The following DLST variants were observed in gnomAD, a reference collection of about 807,000 sequenced individuals.
The protein encoded by DLST is dihydrolipoamide S-succinyltransferase, also known as dihydrolipoyllysine-residue succinyltransferase component of 2-oxoglutarate dehydrogenase complex, mitochondrial.
A neutral mutation model predicts 53.1 loss-of-function variants in DLST; 17 were observed. The observed-to-expected ratio is 0.32, with a 90% CI of 0.22 to 0.48. DLST has a LOEUF of 0.48. Among genes scored for constraint, DLST ranks in the 20% least tolerant of loss-of-function variants. DLST has a pLI of 0.99. For synonymous variants in DLST, 206 were observed against 204.8 expected (o/e 1.01, Z -0.05); for missense variants, 512 against 583.9 (o/e 0.88, Z 1.27).
At chr14:74,883,010 C>G (rs781333424) in intron 2 of DLST, among the ~76,000 whole-genome samples, 1 of 152,186 alleles carries the variant, frequency 6.6e-6, no homozygotes, top group Non-Finnish European at 1.5e-5. Flanking sequence ...AAGTTATGGC[C>G]ATGGCCGGGC....
In DLST at chr14:74,901,081, C is replaced by CG; in HGVS notation, c.1075_1076insG (p.Leu359ArgfsTer4). On this transcript the variant is annotated frameshift_variant, in exon 14 of 15. Coordinates refer to ENST00000334220, the MANE Select transcript of DLST (RefSeq NM_001933.5). LOFTEE classifies it high-confidence loss of function. ...CTGTTTTTAGGCCCGAAAGAATGAA[C>CG]TTGCCATTGAAGATATGGATGGCGG... is the stretch of plus-strand genomic sequence containing the variant. 1 of 1,613,444 alleles carries CG rather than the reference C, an allele frequency of 6.2e-7. No individual in the cohort carries two copies. Among genetic ancestry groups the CG allele is most frequent in the Non-Finnish European group, 8.5e-7 (1 of 1,179,828 alleles).
chr14:74,884,486 A>G (rs1364975811), intron 2 of DLST, among the ~76,000 whole-genome samples: 1 of 152,182 alleles, frequency 6.6e-6, no homozygotes, highest in African/African-American at 2.4e-5. Context: ...CAAAAGTCCT[A>G]CTTATATGAA....
intron 10 of DLST, among the ~76,000 whole-genome samples, chr14:74,896,443 A>G (rs1235909929): frequency 6.6e-6 from 1 of 152,162 alleles, no homozygotes; most frequent in Admixed American, 6.5e-5. Flanking sequence ...TTTTGTCCTG[A>G]GGGTTTAGTC....
intron 6 of DLST, 71 bp downstream of exon 6, chr14:74,890,023 A>G: frequency 7.4e-7 from 1 of 1,353,866 alleles, no homozygotes; most frequent in Admixed American, 1.9e-5. Context: ...AGAAACAGGG[A>G]CTTAACCATT....
chr14:74,888,274 GTTT>G (rs55729619), intron 3 of DLST, among the ~76,000 whole-genome samples: 9 of 131,732 alleles, frequency 6.8e-5, no homozygotes, highest in East Asian at 2.2e-4. Context: ...TTGTTTTTGG[GTTT>G]TTTTTTTTTT....
At chr14:74,888,773 T>C (rs936713067) in intron 3 of DLST, among the ~76,000 whole-genome samples, 2 of 152,122 alleles carry the variant, frequency 1.3e-5, no homozygotes, top group African/African-American at 4.8e-5. Context: ...AAGGTGCTTA[T>C]TTTTTTATTG....
At chr14:74,888,063 C>T (rs542881409) in intron 3 of DLST, among the ~76,000 whole-genome samples, 4 of 152,172 alleles carry the variant, frequency 2.6e-5, no homozygotes, top group Non-Finnish European at 5.9e-5. Context: ...TCTCTCACCC[C>T]TCAGAGGTAA....
At chr14:74,901,844 ATTT>A (rs11325303) in intron 14 of DLST, among the ~76,000 whole-genome samples, 4 of 147,274 alleles carry the variant, frequency 2.7e-5, no homozygotes, top group East Asian at 4.0e-4. Flanking sequence ...CCCTGGCTTA[ATTT>A]TTTTTTTTTT....
At chr14:74,900,572 CCTG>C (rs1884212722) in intron 13 of DLST, among the ~76,000 whole-genome samples, 200 bp downstream of exon 13, 1 of 152,136 alleles carries the variant, frequency 6.6e-6, no homozygotes, top group Admixed American at 6.5e-5. Context: ...TCAGATGAGA[CCTG>C]CTAGAAAAGA....
chr14:74,883,119 C>A (rs1241540832), intron 2 of DLST, among the ~76,000 whole-genome samples: 1 of 151,900 alleles, frequency 6.6e-6, no homozygotes, highest in Non-Finnish European at 1.5e-5. Context: ...ACGGTGAAAC[C>A]CCATCTCTAC....
intron 6 of DLST, 116 bp from the exon 7 acceptor site, chr14:74,890,940 T>C: frequency 1.5e-6 from 2 of 1,362,326 alleles, no homozygotes; most frequent in Non-Finnish European, 1.9e-6. Flanking sequence ...GGCATCCCAA[T>C]ATGCTGGGAC....
intron 7 of DLST, among the ~76,000 whole-genome samples, chr14:74,892,631 T>TGG (rs1385121829): frequency 6.6e-6 from 1 of 152,130 alleles, no homozygotes; most frequent in Non-Finnish European, 1.5e-5. Context: ...TTGAGCCAGT[T>TGG]ATCTGATGGA....
intron 2 of DLST, 95 bp from the exon 3 acceptor site, chr14:74,885,491 T>G (rs1883670669): frequency 8.1e-7 from 1 of 1,238,672 alleles, no homozygotes; most frequent in Admixed American, 1.7e-5. Context: ...TCCTGCTCTG[T>G]CTCAGGGTTG....
Position 74,901,168 on chromosome 14 carries a change from C to T in DLST, c.1162C>T (p.Pro388Ser). The T allele has an allele frequency of 1.2e-6, 2 of 1,614,176 alleles. No individual in the cohort carries two copies. The highest frequency in any genetic ancestry group is 1.7e-6 in the Non-Finnish European group (2 of 1,180,030). ...GCTCTTTGGAACACCCATTATCAAC[C>T]CCCCTCAGTCTGCCATCCTGGGGAT... Reference protein sequence around the residue: ...GSLFGTPIINPPQSAILGMHG... With the variant: ...GSLFGTPIINSPQSAILGMHG... Residue 388 changes from proline (P) to serine (S), a missense_variant, in exon 14 of 15, where the codon CCC (proline) becomes TCC (serine). Pro to Ser is a moderately conservative substitution (Grantham distance 74). Transcript: ENST00000334220.
chr14:74,881,970 G>C lies in DLST; in HGVS notation c.17G>C (p.Arg6Pro). 2 of 1,569,988 alleles carry C rather than the reference G, an allele frequency of 1.3e-6. No homozygotes were observed. The highest frequency in any genetic ancestry group is 1.1e-5 in the South Asian group (1 of 87,164). ...TCCGCCGTGATGCTGTCCCGATCCC[G>C]CTGTGTGTCTCGGGCGTTCAGCCGC... is the stretch of plus-strand genomic sequence containing the variant. Reference protein sequence around the residue: MLSRSRCVSRAFSRSL... With the variant: MLSRSPCVSRAFSRSL... Residue 6 changes from arginine to proline, a missense_variant, in exon 1 of 15, where the codon CGC (arginine) becomes CCC (proline). By Grantham distance (103) the Arg-to-Pro change is moderately radical. This residue lies in a region of DLST where 129 missense variants were observed against 90.9 expected (regional missense o/e 1.42). Coordinates refer to ENST00000334220, the MANE Select transcript of DLST (RefSeq NM_001933.5).
At position 74,882,009 on chromosome 14, in the gene DLST, T is replaced by A; in HGVS notation, c.56T>A (p.Phe19Tyr). 3.2e-6 allele frequency: 5 copies of A among 1,571,004 alleles called. No individual in the cohort carries two copies. The highest frequency in any genetic ancestry group is 4.3e-6 in the Non-Finnish European group (5 of 1,166,764). Residue 19 changes from phenylalanine to tyrosine, a missense_variant, in exon 1 of 15, where the codon TTC becomes TAC. This residue lies in a region of DLST where 129 missense variants were observed against 90.9 expected (regional missense o/e 1.42). Coordinates refer to ENST00000334220, the MANE Select transcript of DLST (RefSeq NM_001933.5). ...SRAFSRSLSA[F>Y]QKGNCPLGRR... ...GCGTTCAGCCGCTCGCTCTCCGCCTTCCAGAAGGTACGGTCTGGCCGAGCC... is the reference window on the plus strand; with the variant it reads ...GCGTTCAGCCGCTCGCTCTCCGCCTACCAGAAGGTACGGTCTGGCCGAGCC...
intron 10 of DLST, 98 bp from the exon 11 acceptor site, chr14:74,898,271 G>A: frequency 1.4e-6 from 2 of 1,474,462 alleles, no homozygotes; most frequent in Non-Finnish European, 9.2e-7. Flanking sequence ...CCAGAGTGAG[G>A]GAAAAGCTCT....
chr14:74,891,998 A>C (rs1212473971), intron 7 of DLST: 1 of 377,084 alleles, frequency 2.7e-6, no homozygotes, highest in Non-Finnish European at 3.6e-6. Context: ...CATTTCATTT[A>C]AAGTTGTGAG....
At chr14:74,890,357 A>T (rs1310733461) in intron 6 of DLST, among the ~76,000 whole-genome samples, 2 of 152,138 alleles carry the variant, frequency 1.3e-5, no homozygotes, top group African/African-American at 4.8e-5. Flanking sequence ...ACCTCAGGTG[A>T]TCTGCCCGCC....
Sources: gnomAD v4.1 joint callset for allele counts (sites outside exome capture counted in the v4.1 genomes callset) on GRCh38, gnomAD v4.1.1 for gene constraint, gnomAD v4.1.1 regional missense constraint, MANE v1.5 for transcripts, NCBI Gene and HGNC (gene_info 2026-07-23, HGNC 2026-07-21) for gene names.